ASXL1: variants seen among roughly 807,000 people sequenced by gnomAD.
The protein encoded by ASXL1 is polycomb group protein ASXL1.
In ASXL1, 65 loss-of-function variants were observed where a neutral mutation model predicts 89.1. The observed-to-expected ratio is 0.73, with a 90% CI of 0.60 to 0.90. ASXL1 has a LOEUF of 0.90. Ranked by LOEUF, ASXL1 falls within the 40% of genes least tolerant of loss-of-function variation. ASXL1 has a pLI of 0.00. For synonymous variants in ASXL1, 739 were observed against 746.9 expected (o/e 0.99, Z 0.17); for missense variants, 1,786 against 1,942.9 (o/e 0.92, Z 1.52).
intron 4 of ASXL1, among the ~76,000 whole-genome samples, chr20:32,412,334 C>G (rs2049062695): frequency 2.0e-5 from 3 of 152,128 alleles, no homozygotes; most frequent in African/African-American, 7.2e-5. Context: ...TAATTGTTAA[C>G]CCATTCCACT....
At chr20:32,418,177 CA>C (rs1006289675) in intron 4 of ASXL1, among the ~76,000 whole-genome samples, 1 of 151,084 alleles carries the variant, frequency 6.6e-6, no homozygotes, top group Non-Finnish European at 1.5e-5. Context: ...GACTCTGTAT[CA>C]AAAAAATAAT....
At chr20:32,380,618 C>A (rs768367694) in intron 4 of ASXL1, among the ~76,000 whole-genome samples, 3 of 151,978 alleles carry the variant, frequency 2.0e-5, no homozygotes, top group Non-Finnish European at 4.4e-5. Flanking sequence ...GGTGTGGTAG[C>A]CTGCATCTGT....
chr20:32,437,595 T>G lies in ASXL1; in HGVS notation c.*257T>G. On this transcript the variant is annotated 3_prime_UTR_variant, in exon 13 of 13. Coordinates refer to ENST00000375687, the MANE Select transcript of ASXL1 (RefSeq NM_015338.6). The stretch of plus-strand genomic sequence containing the variant: ...AGCTCTCCTGCAAGACAGAGCCTGA[T>G]GTGGCACGGAGTGGGGTTGCGGGGG... 20 of 502,960 alleles carry G rather than the reference T, an allele frequency of 4.0e-5. No homozygotes were observed. Among genetic ancestry groups the G allele is most frequent in the East Asian group, 7.1e-5 (2 of 28,144 alleles). The allele number at this position is 502,960 out of a possible 1,614,324, so 31.2% of individuals were successfully genotyped here. A position where few individuals can be genotyped will look rare whatever the true frequency, so the allele number is the denominator to read the frequency against.
intron 4 of ASXL1, among the ~76,000 whole-genome samples, chr20:32,421,187 T>C (rs1359400490): frequency 1.3e-5 from 2 of 150,920 alleles, no homozygotes; most frequent in East Asian, 3.9e-4. Flanking sequence ...TATGCTTATG[T>C]AACAAACCTG....
In ASXL1 at chr20:32,436,669, T is replaced by C; in HGVS notation, c.3957T>C (p.Pro1319=). The change falls in exon 13 of 13, where the codon CCT becomes CCC. Residue 1319 remains proline (P), a synonymous_variant. Coordinates refer to ENST00000375687, the MANE Select transcript of ASXL1 (RefSeq NM_015338.6). ...NVAATLQRPR[P]ADPMPLPAEI... Reference sequence around the variant, plus strand: ...CTGCAACCCTTCAGCGCCCCAGGCCTGCGGACCCGATGCCTCTTCCTGCTG... The same window carrying C: ...CTGCAACCCTTCAGCGCCCCAGGCCCGCGGACCCGATGCCTCTTCCTGCTG... 6.2e-7 allele frequency: 1 copy of C among 1,614,048 alleles called. No homozygotes were observed. Among genetic ancestry groups the C allele is most frequent in the Non-Finnish European group, 8.5e-7 (1 of 1,180,042 alleles).
Position 32,436,058 on chromosome 20 carries a change from T to C in ASXL1, c.3346T>C (p.Leu1116=). 6.2e-7 allele frequency: 1 copy of C among 1,614,166 alleles called. No individual in the cohort carries two copies. ...PLVMQLLQGS[L]PLEKVLPPAH... Reference sequence around the variant, plus strand: ...TGTGATGCAGTTGCTGCAGGGTAGCTTGCCCCTAGAGAAGGTTCTTCCACC... The same window carrying C: ...TGTGATGCAGTTGCTGCAGGGTAGCCTGCCCCTAGAGAAGGTTCTTCCACC... The change falls in exon 13 of 13, where the codon TTG becomes CTG. Residue 1116 remains leucine (L), a synonymous_variant. Transcript: ENST00000375687.
chr20:32,376,178 G>C (rs2048374575), intron 4 of ASXL1, among the ~76,000 whole-genome samples: 1 of 152,124 alleles, frequency 6.6e-6, no homozygotes, highest in African/African-American at 2.4e-5. Context: ...CCAAGGGCTA[G>C]TTTGGTGAGT....
chr20:32,414,504 T>C (rs1318033000), intron 4 of ASXL1, among the ~76,000 whole-genome samples: 1 of 151,796 alleles, frequency 6.6e-6, no homozygotes, highest in Non-Finnish European at 1.5e-5. Context: ...CGACCAGGAG[T>C]TTGAGTCCAG....
chr20:32,435,424 T>C lies in ASXL1; in HGVS notation c.2712T>C (p.Asn904=). Residue 904 remains asparagine, a synonymous_variant, in exon 13 of 13, where the codon AAT becomes AAC. Coordinates refer to ENST00000375687, the MANE Select transcript of ASXL1 (RefSeq NM_015338.6). ...TGCATTGGATACCCATCCCATCGAA[T>C]GATGAGGTAGTGAAACAGCCCAAAC... The part of the protein sequence containing the change: ...SSLHWIPIPS[N]DEVVKQPKPE... The C allele has an allele frequency of 6.2e-7, 1 of 1,614,038 alleles. No individual in the cohort carries two copies. The highest frequency in any genetic ancestry group is 8.5e-7 in the Non-Finnish European group (1 of 1,180,008).
chr20:32,414,573 T>C (rs2049105496), intron 4 of ASXL1, among the ~76,000 whole-genome samples: 2 of 152,176 alleles, frequency 1.3e-5, no homozygotes, highest in South Asian at 2.1e-4. Flanking sequence ...TATGTTTGTT[T>C]TGGGCCTCTT....
intron 4 of ASXL1, among the ~76,000 whole-genome samples, chr20:32,401,408 G>T (rs1381942205): frequency 6.6e-6 from 1 of 151,984 alleles, no homozygotes; most frequent in African/African-American, 2.4e-5. Context: ...TATCACTTTC[G>T]CTATAATTTT....
intron 1 of ASXL1, among the ~76,000 whole-genome samples, chr20:32,365,278 A>C (rs375973846): frequency 2.0e-5 from 3 of 152,304 alleles, no homozygotes; most frequent in South Asian, 4.1e-4. Context: ...CCCATGGAGA[A>C]TGGAAAATCT....
Position 32,434,845 on chromosome 20 carries a change from T to G in ASXL1, c.2133T>G (p.Thr711=). ...ATGGGGAGCATACCCAGGCCGGAAC[T>G]GCCATGTCCAGAGCTAGGAGAGAGG... ...PLNGEHTQAG[T]AMSRARREDL... Residue 711 remains threonine, a synonymous_variant, in exon 13 of 13, where the codon ACT becomes ACG. Transcript: ENST00000375687. 1 of 1,614,140 alleles carries G rather than the reference T, an allele frequency of 6.2e-7. No homozygotes were observed. The highest frequency in any genetic ancestry group is 8.5e-7 in the Non-Finnish European group (1 of 1,180,006).
intron 4 of ASXL1, among the ~76,000 whole-genome samples, chr20:32,426,379 T>A (rs1209701017): frequency 6.6e-6 from 1 of 152,050 alleles, no homozygotes; most frequent in Non-Finnish European, 1.5e-5. Context: ...TTAAGGAGTA[T>A]TTTATCTTAG....
intron 4 of ASXL1, among the ~76,000 whole-genome samples, chr20:32,378,297 GGCGTGAACCACCAT>G (rs910627531): frequency 1.3e-4 from 20 of 151,884 alleles, no homozygotes; most frequent in African/African-American, 4.6e-4. Context: ...TAGGATTATA[GGCGTGAACCACCAT>G]GCCCAGCCTT....
At chr20:32,423,027 A>G (rs913454024) in intron 4 of ASXL1, among the ~76,000 whole-genome samples, 1 of 152,170 alleles carries the variant, frequency 6.6e-6, no homozygotes, top group Non-Finnish European at 1.5e-5. Context: ...ATTTTCAGTA[A>G]CCCATTTCGT....
At chr20:32,396,952 A>G (rs1208609137) in intron 4 of ASXL1, among the ~76,000 whole-genome samples, 2 of 151,686 alleles carry the variant, frequency 1.3e-5, no homozygotes, top group Admixed American at 1.3e-4. Flanking sequence ...CACACATAAA[A>G]TACACTAATG....
Position 32,433,830 on chromosome 20 carries a change from T to A in ASXL1, c.1632T>A (p.Asp544Glu), listed in dbSNP as rs761024882. Residue 544 changes from aspartate to glutamate, a missense_variant, in exon 12 of 13, where the codon GAT (aspartate) becomes GAA (glutamate). This residue lies in a region of ASXL1 where 1,418 missense variants were observed against 1,427.8 expected (regional missense o/e 0.99). Transcript: ENST00000375687. ...SFPEKKPRLE[D>E]RQSFRNTIES... ...CCGAAAAGAAGCCCCGGCTTGAAGA[T>A]CGTCAGTCCTTTCGTAACACAATTG... The A allele has an allele frequency of 1.9e-6, 3 of 1,613,952 alleles. No individual in the cohort carries two copies. In the African/African-American group the frequency reaches 4.0e-5, roughly 22 times the overall value.
intron 4 of ASXL1, among the ~76,000 whole-genome samples, chr20:32,417,320 T>C (rs2049155047): frequency 6.6e-6 from 1 of 152,188 alleles, no homozygotes; most frequent in South Asian, 2.1e-4. Context: ...CAGCTGTGAG[T>C]GGCAACTTAC....
Sources: allele counts gnomAD v4.1 joint callset (sites outside exome capture counted in the v4.1 genomes callset), GRCh38; gene constraint gnomAD v4.1.1; regional missense constraint gnomAD v4.1.1; transcripts MANE v1.5; gene names NCBI Gene and HGNC (gene_info 2026-07-23, HGNC 2026-07-21).